Variants in CPPED1 observed in about 807,000 individuals in gnomAD.
The protein encoded by CPPED1 is serine/threonine-protein phosphatase CPPED1.
Under a neutral mutation model 28.0 loss-of-function variants are expected in CPPED1, and 28 were observed. That is an observed-to-expected ratio of 1.00 (90% CI 0.74 to 1.37). The LOEUF (loss-of-function observed/expected upper bound fraction) is 1.37, where lower values mean the gene tolerates loss of function less well. CPPED1 is among the 40% of genes most tolerant of loss of function. The pLI is 0.00. For synonymous variants in CPPED1, 198 were observed against 180.2 expected (o/e 1.10, Z -0.79); for missense variants, 504 against 416.5 (o/e 1.21, Z -1.83).
At chr16:12,774,697 G>A (rs2080487616) in intron 2 of CPPED1, among the ~76,000 whole-genome samples, 1 of 152,204 alleles carries the variant, frequency 6.6e-6, no homozygotes, top group South Asian at 2.1e-4. Context: ...CTTTTAAGAG[G>A]TGGCTGGATC....
intron 2 of CPPED1, among the ~76,000 whole-genome samples, chr16:12,715,984 A>G (rs903180731): frequency 6.6e-6 from 1 of 152,160 alleles, no homozygotes; most frequent in African/African-American, 2.4e-5. Context: ...GAGGGAAGAG[A>G]GTAGAGGGAG....
intron 2 of CPPED1, among the ~76,000 whole-genome samples, chr16:12,734,968 G>A (rs1596464679): frequency 6.6e-6 from 1 of 152,150 alleles, no homozygotes; most frequent in African/African-American, 2.4e-5. Flanking sequence ...GACCAGGCAA[G>A]GCAGGGAGGC....
intron 3 of CPPED1, among the ~76,000 whole-genome samples, chr16:12,700,948 C>T (rs371381001): frequency 7.2e-5 from 11 of 152,026 alleles, no homozygotes; most frequent in Non-Finnish European, 1.3e-4. Context: ...GAGTGGGAGG[C>T]GGGATGTGGT....
At position 12,708,692 on chromosome 16, in the gene CPPED1, A is replaced by T. The variant is rs890493007; in HGVS notation, c.290-3643T>A. ...TGATCTTTAACAAGCTCTCATTTGC[A>T]TGTAACAGAATCTCTGTAGGGTTAC... On this transcript the variant is annotated intron_variant, in intron 2 of 3. Transcript: ENST00000381774. Among the ~76,000 whole-genome samples, 6 of 152,250 alleles carry T rather than the reference A, an allele frequency of 3.9e-5. No individual in the cohort carries two copies. In the South Asian group the frequency reaches 8.3e-4, roughly 21 times the overall value.
intron 2 of CPPED1, among the ~76,000 whole-genome samples, chr16:12,756,762 G>A (rs1414801691): frequency 2.0e-5 from 3 of 152,076 alleles, no homozygotes; most frequent in Non-Finnish European, 4.4e-5. Flanking sequence ...TGCCAGGAAA[G>A]CCAGCCAGCA....
intron 2 of CPPED1, among the ~76,000 whole-genome samples, chr16:12,717,135 T>C (rs1022719089): frequency 1.3e-5 from 2 of 152,166 alleles, no homozygotes; most frequent in African/African-American, 4.8e-5. Context: ...GGGAGCCTTT[T>C]GGAAAGTGGG....
At chr16:12,755,606 A>G (rs982770251) in intron 2 of CPPED1, among the ~76,000 whole-genome samples, 13 of 152,052 alleles carry the variant, frequency 8.5e-5, no homozygotes, top group Non-Finnish European at 1.9e-4. Context: ...TTATGTGTCT[A>G]CTTGTTAGGA....
chr16:12,693,516 T>C (rs1336991058), intron 3 of CPPED1, among the ~76,000 whole-genome samples: 1 of 152,148 alleles, frequency 6.6e-6, no homozygotes, highest in Non-Finnish European at 1.5e-5. Context: ...TTTTTTACTT[T>C]CAACTCAATC....
intron 3 of CPPED1, among the ~76,000 whole-genome samples, chr16:12,691,094 G>A (rs919930770): frequency 1.3e-5 from 2 of 152,196 alleles, no homozygotes; most frequent in African/African-American, 4.8e-5. Context: ...CAGGACCCAG[G>A]GCCACTGCCC....
At chr16:12,683,760 A>G (rs2079918248) in intron 3 of CPPED1, among the ~76,000 whole-genome samples, 1 of 152,114 alleles carries the variant, frequency 6.6e-6, no homozygotes, top group Admixed American at 6.5e-5. Context: ...GATCTCCTGT[A>G]TGATATTCAG....
At chr16:12,785,672 C>A (rs2080558533) in intron 1 of CPPED1, among the ~76,000 whole-genome samples, 1 of 151,710 alleles carries the variant, frequency 6.6e-6, no homozygotes, top group South Asian at 2.1e-4. Context: ...AAATGATCTG[C>A]CCGCCTTGGC....
chr16:12,701,932 CT>C (rs551024691), intron 3 of CPPED1, among the ~76,000 whole-genome samples: 190 of 152,326 alleles, frequency 1.2e-3, no homozygotes, highest in African/African-American at 4.2e-3. Flanking sequence ...GCTAACCCCC[CT>C]GTTTTCTCAT....
rs114779802 is a variant in CPPED1, at chr16:12,803,071, C to A, written c.70+636G>T. On this transcript the variant is annotated intron_variant, in intron 1 of 3. Coordinates refer to ENST00000381774, the MANE Select transcript of CPPED1 (RefSeq NM_018340.3). ...ACCGGGTTACAAAAATACTTTTGAT[C>A]TGTTTACGCTTCCAACAACCCTATG... Among the ~76,000 whole-genome samples the A allele has an allele frequency of 5.7e-3, 874 of 152,322 alleles. 11 individuals carry two copies. The highest frequency in any genetic ancestry group is 0.02 in the African/African-American group (837 of 41,578).
chr16:12,696,824 T>C (rs1427570645), intron 3 of CPPED1, among the ~76,000 whole-genome samples: 2 of 152,060 alleles, frequency 1.3e-5, no homozygotes, highest in African/African-American at 2.4e-5. Flanking sequence ...ACCCTCTTTT[T>C]ACAAGTGGGA....
chr16:12,801,483 G>A (rs905105999), intron 1 of CPPED1, among the ~76,000 whole-genome samples: 5 of 151,884 alleles, frequency 3.3e-5, no homozygotes, highest in African/African-American at 1.2e-4. Context: ...AGAGTAACAG[G>A]GAACTCTCAT....
chr16:12,714,577 T>G (rs892078242), intron 2 of CPPED1, among the ~76,000 whole-genome samples: 1 of 152,240 alleles, frequency 6.6e-6, no homozygotes, highest in African/African-American at 2.4e-5. Context: ...CTGGCAATTT[T>G]TATATCTTCT....
At chr16:12,775,147 C>T (rs536981194) in intron 2 of CPPED1, among the ~76,000 whole-genome samples, 8 of 152,086 alleles carry the variant, frequency 5.3e-5, no homozygotes, top group African/African-American at 1.7e-4. Context: ...AGCAGAGACC[C>T]GAGTTAGCAC....
chr16:12,792,141 T>C (rs140020330), intron 1 of CPPED1, among the ~76,000 whole-genome samples: 1,815 of 152,170 alleles, frequency 0.012, 39 homozygotes, highest in African/African-American at 0.041. Context: ...TTAGTAGAGA[T>C]GAGGTTTCAC....
intron 1 of CPPED1, among the ~76,000 whole-genome samples, chr16:12,800,524 C>T (rs1199520099): frequency 1.3e-5 from 2 of 152,128 alleles, no homozygotes; most frequent in Non-Finnish European, 2.9e-5. Context: ...GGATTGCATC[C>T]CAAGTTGCTC....
Sources: allele counts gnomAD v4.1 joint callset (sites outside exome capture counted in the v4.1 genomes callset), GRCh38; gene constraint gnomAD v4.1.1; transcripts MANE v1.5; gene names NCBI Gene and HGNC (gene_info 2026-07-23, HGNC 2026-07-21).